The following PHF14 variants were observed in gnomAD, a reference collection of about 807,000 sequenced individuals.
PHF14 encodes PHD finger protein 14.
Under a neutral mutation model 117.9 loss-of-function variants are expected in PHF14, and 55 were observed. The ratio of observed to expected loss-of-function variants is 0.47; its 90% CI spans 0.38 to 0.58. PHF14 has a LOEUF of 0.58. PHF14 is among the 20% of genes least tolerant of loss of function. PHF14 has a pLI of 0.00. For synonymous variants in PHF14, 409 were observed against 368.6 expected, an observed-to-expected ratio of 1.11 and a Z score of -1.26; for missense variants, 978 against 1,122.2, an observed-to-expected ratio of 0.87 and a Z score of 1.84.
At chr7:11,098,617 T>C (rs1359948660) in intron 16 of PHF14, among the ~76,000 whole-genome samples, 1 of 152,132 alleles carries the variant, frequency 6.6e-6, no homozygotes, top group East Asian at 1.9e-4. Context: ...CTCACTAATA[T>C]CCAGAGCAGG....
At chr7:10,989,346 T>C (rs1562563728) in intron 3 of PHF14, among the ~76,000 whole-genome samples, 1 of 152,022 alleles carries the variant, frequency 6.6e-6, no homozygotes, top group Non-Finnish European at 1.5e-5. Flanking sequence ...AATATAAAAA[T>C]ATAAAAAATA....
At chr7:11,076,789 A>G (rs1785871754) in intron 16 of PHF14, among the ~76,000 whole-genome samples, 1 of 151,410 alleles carries the variant, frequency 6.6e-6, no homozygotes, top group African/African-American at 2.4e-5. Flanking sequence ...GCTCATCTCT[A>G]ACTCCTGTTC....
At chr7:11,056,816 A>G (rs983647891) in intron 14 of PHF14, among the ~76,000 whole-genome samples, 6 of 148,792 alleles carry the variant, frequency 4.0e-5, no homozygotes, top group African/African-American at 1.2e-4. Flanking sequence ...AATTAAATAT[A>G]TATTATATTT....
intron 4 of PHF14, among the ~76,000 whole-genome samples, chr7:10,999,661 TG>T (rs754520771): frequency 1.4e-4 from 22 of 152,328 alleles, no homozygotes; most frequent in Non-Finnish European, 2.9e-4. Flanking sequence ...TTACAGCTAT[TG>T]AAAGTTCATA....
At chr7:11,039,281 C>T (rs912002494) in intron 11 of PHF14, among the ~76,000 whole-genome samples, 2 of 151,592 alleles carry the variant, frequency 1.3e-5, no homozygotes, top group Non-Finnish European at 2.9e-5. Context: ...TTAAAAAAGG[C>T]AAACTAGAGA....
At chr7:11,049,976 C>G (rs1031008381) in intron 13 of PHF14, among the ~76,000 whole-genome samples, 1 of 152,100 alleles carries the variant, frequency 6.6e-6, no homozygotes. Context: ...TTTCACTGAT[C>G]AGTATTTCTA....
At position 11,123,188 on chromosome 7, in the gene PHF14, C is replaced by G. The variant is rs570034522; in HGVS notation, c.2772+11721C>G. 6.6e-5 allele frequency among the ~76,000 whole-genome samples: 10 copies of G among 152,140 alleles called. No homozygotes were observed. In the South Asian group the frequency reaches 2.1e-3, roughly 32 times the overall value. On this transcript the variant is annotated intron_variant, in intron 17 of 17. Transcript: ENST00000634607. Reference sequence around the variant, plus strand: ...CCACACCCATTTTGCAACAGGAAATCTTGGGATTTAGGATTTAAGTGATCC... The same window carrying G: ...CCACACCCATTTTGCAACAGGAAATGTTGGGATTTAGGATTTAAGTGATCC...
intron 16 of PHF14, chr7:11,102,644 T>C: frequency 6.7e-7 from 1 of 1,494,826 alleles, no homozygotes; most frequent in Non-Finnish European, 8.9e-7. Context: ...AGCTTGTCAC[T>C]GCAAAAAGTT....
At chr7:11,006,451 A>T in intron 4 of PHF14, 1 of 534,336 alleles carries the variant, frequency 1.9e-6, no homozygotes, top group South Asian at 1.4e-5. Flanking sequence ...ATCAGGAGCC[A>T]GTCGAACATA....
chr7:11,103,115 A>T, intron 16 of PHF14: 1 of 975,172 alleles, frequency 1.0e-6, no homozygotes. Context: ...TCTATTTATA[A>T]TATTCAGCAA....
chr7:10,998,492 A>C (rs2128312390), intron 4 of PHF14, among the ~76,000 whole-genome samples: 1 of 152,300 alleles, frequency 6.6e-6, no homozygotes, highest in East Asian at 1.9e-4. Context: ...ACTTGATATT[A>C]GTGGTAATGA....
intron 16 of PHF14, among the ~76,000 whole-genome samples, chr7:11,096,527 T>G (rs1446509399): frequency 6.6e-6 from 1 of 152,156 alleles, no homozygotes; most frequent in African/African-American, 2.4e-5. Context: ...TGGATGCCAT[T>G]TTCCAGTTCA....
intron 16 of PHF14, among the ~76,000 whole-genome samples, chr7:11,077,426 C>T (rs902792916): frequency 6.6e-6 from 1 of 151,598 alleles, no homozygotes; most frequent in Non-Finnish European, 1.5e-5. Context: ...CGTGGTAAAA[C>T]CCCGTCTCTA....
chr7:11,109,462 C>T (rs575312675), intron 16 of PHF14: 2 of 148,734 alleles, frequency 1.3e-5, no homozygotes, highest in African/African-American at 2.4e-5. Context: ...TTTTAAATTT[C>T]GCATCAAAGA....
chr7:11,072,521 T>C (rs757673133), intron 16 of PHF14, among the ~76,000 whole-genome samples: 1 of 152,192 alleles, frequency 6.6e-6, no homozygotes, highest in Non-Finnish European at 1.5e-5. Flanking sequence ...ATCTATAAAA[T>C]AGCAATAAAC....
At chr7:11,077,430 G>A (rs541744882) in intron 16 of PHF14, among the ~76,000 whole-genome samples, 4 of 151,584 alleles carry the variant, frequency 2.6e-5, no homozygotes, top group South Asian at 2.1e-4. Flanking sequence ...GTAAAACCCC[G>A]TCTCTACTAC....
intron 4 of PHF14, among the ~76,000 whole-genome samples, chr7:11,011,689 G>C (rs1783362993): frequency 6.6e-6 from 1 of 152,146 alleles, no homozygotes; most frequent in Non-Finnish European, 1.5e-5. Flanking sequence ...GTTGCAATGT[G>C]TTCATTATTA....
At chr7:11,029,247 C>T (rs1335065774) in intron 7 of PHF14, among the ~76,000 whole-genome samples, 2 of 152,082 alleles carry the variant, frequency 1.3e-5, no homozygotes. Flanking sequence ...ACTTTTAATT[C>T]CATAATATTC....
At position 11,110,651 on chromosome 7, in the gene PHF14, G is replaced by A. The variant is rs527601662; in HGVS notation, c.2655-699G>A. 47 of 319,512 alleles carry A rather than the reference G, an allele frequency of 1.5e-4. No individual in the cohort carries two copies. In the East Asian group the frequency reaches 2.2e-3, roughly 15 times the overall value. 19.8% of individuals were successfully genotyped at this position (319,512 alleles called of 1,614,324 possible). On this transcript the variant is annotated intron_variant, in intron 16 of 17. Coordinates refer to ENST00000634607, the MANE Select transcript of PHF14 (RefSeq NM_001007157.2). ...TAGGAAGTACTTTGTAAAACCAAACGGTCTGAAGAAAGTGACAGGTAATTT... is the reference window on the plus strand; with the variant it reads ...TAGGAAGTACTTTGTAAAACCAAACAGTCTGAAGAAAGTGACAGGTAATTT...
Sources: allele counts gnomAD v4.1 joint callset (sites outside exome capture counted in the v4.1 genomes callset), GRCh38; gene constraint gnomAD v4.1.1; transcripts MANE v1.5; gene names NCBI Gene and HGNC (gene_info 2026-07-23, HGNC 2026-07-21).